LSM11: variants seen among roughly 807,000 people sequenced by gnomAD.
The protein encoded by LSM11 is LSM11, U7 small nuclear RNA associated.
A neutral mutation model predicts 28.1 loss-of-function variants in LSM11; 14 were observed. That is an observed-to-expected ratio of 0.50 (90% CI 0.33 to 0.78). The LOEUF (loss-of-function observed/expected upper bound fraction) is 0.78. Among genes scored for constraint, LSM11 ranks in the 30% least tolerant of loss-of-function variants. The pLI is 0.02. For missense variants in LSM11, 495 were observed against 510.6 expected (o/e 0.97, Z 0.30); for synonymous variants, 207 against 214.2 (o/e 0.97, Z 0.30).
chr5:157,745,962 T>C, intron 1 of LSM11, among the ~76,000 whole-genome samples: 1 of 152,158 alleles, frequency 6.6e-6, no homozygotes, highest in African/African-American at 2.4e-5. Context: ...AACTACCTAT[T>C]GGGTACTGTG....
chr5:157,754,211 C>T (rs1016730813), intron 3 of LSM11, 124 bp downstream of exon 3: 1 of 555,962 alleles, frequency 1.8e-6, no homozygotes, highest in Non-Finnish European at 3.0e-6. Context: ...ACCAGCTGTG[C>T]CTGTACCAAG....
intron 3 of LSM11, among the ~76,000 whole-genome samples, 169 bp downstream of exon 3, chr5:157,754,256 A>G (rs375581626): frequency 6.6e-6 from 1 of 152,196 alleles, no homozygotes; most frequent in East Asian, 1.9e-4. Flanking sequence ...GCTTCCAGTG[A>G]ATCTCAAGTG....
At chr5:157,753,972 C>G (rs771611654) in intron 2 of LSM11, 32 bp from the exon 3 acceptor site, 24 of 1,385,890 alleles carry the variant, frequency 1.7e-5, no homozygotes, top group Non-Finnish European at 2.3e-5. Context: ...TTAATTCTGT[C>G]TAATGTTTTT....
In LSM11 at chr5:157,760,539, A is replaced by G. The variant is rs547624998; in HGVS notation, c.*5275A>G. 1.3e-5 allele frequency: 2 copies of G among 152,346 alleles called. No homozygotes were observed. Among genetic ancestry groups the G allele is most frequent in the East Asian group, 3.9e-4 (2 of 5,186 alleles). 9.4% of individuals were successfully genotyped at this position (152,346 alleles called of 1,614,324 possible). On this transcript the variant is annotated 3_prime_UTR_variant, in exon 4 of 4. Transcript: ENST00000286307. ...TTTCACTGCTCATATACCAGCTGCT[A>G]CAAGAAAAACCATGACTTGTAAGTT...
At position 157,755,123 on chromosome 5, in the gene LSM11, C is replaced by T. The variant is rs1761304400; in HGVS notation, c.942C>T (p.Ser314=). ...GCTCCAGTGTGGGAGGTACCTTTTCCAGGGCTACCACCCTTTCCAGAGGCC... is the reference window on the plus strand; with the variant it reads ...GCTCCAGTGTGGGAGGTACCTTTTCTAGGGCTACCACCCTTTCCAGAGGCC... ...TDGSSVGGTF[S]RATTLSRGQS... The change falls in exon 4 of 4, where the codon TCC becomes TCT. Residue 314 remains serine (S), a synonymous_variant. Transcript: ENST00000286307. 6.2e-7 allele frequency: 1 copy of T among 1,614,218 alleles called. No individual in the cohort carries two copies. The highest frequency in any genetic ancestry group is 8.5e-7 in the Non-Finnish European group (1 of 1,180,034).
At position 157,757,501 on chromosome 5, in the gene LSM11, G is replaced by GT. The variant is rs1481610952; in HGVS notation, c.*2242dup. 3 of 152,098 alleles carry GT rather than the reference G, an allele frequency of 2.0e-5. No individual in the cohort carries two copies. The highest frequency in any genetic ancestry group is 7.2e-5 in the African/African-American group (3 of 41,430). 9.4% of individuals were successfully genotyped at this position (152,098 alleles called of 1,614,324 possible). A position where few individuals can be genotyped will look rare whatever the true frequency, so the allele number is the denominator to read the frequency against. On this transcript the variant is annotated 3_prime_UTR_variant, in exon 4 of 4. Transcript: ENST00000286307. Reference sequence around the variant, plus strand: ...ATCTGTGGAAGTTTGTTGTTTGTTTGTTTTTATTTTTAAATGCATTGTAAA... The same window carrying GT: ...ATCTGTGGAAGTTTGTTGTTTGTTTGTTTTTTATTTTTAAATGCATTGTAAA...
At chr5:157,745,678 G>A (rs1581449099) in intron 1 of LSM11, among the ~76,000 whole-genome samples, 1 of 152,150 alleles carries the variant, frequency 6.6e-6, no homozygotes, top group East Asian at 1.9e-4. Context: ...TACTGTAATG[G>A]TATGACAGTG....
At chr5:157,751,325 G>A (rs1185641460) in intron 1 of LSM11, 65 bp from the exon 2 acceptor site, 13 of 1,490,604 alleles carry the variant, frequency 8.7e-6, no homozygotes, top group East Asian at 2.4e-5. Context: ...TTGGGTGGTC[G>A]TGGCTTAATT....
At position 157,743,903 on chromosome 5, in the gene LSM11, C is replaced by A. The variant is rs772475047; in HGVS notation, c.153C>A (p.Pro51=). The A allele has an allele frequency of 5.9e-6, 9 of 1,525,424 alleles. No individual in the cohort carries two copies. In the East Asian group the frequency reaches 2.1e-4, roughly 36 times the overall value. 94.5% of individuals were successfully genotyped at this position (1,525,424 alleles called of 1,614,324 possible). ...CTCCCATTCCCTACCCCAATGCCCC[C>A]TGCTTCAACAACGTGGCGGAGTACG... ...RLPPIPYPNA[P]CFNNVAEYES... The change falls in exon 1 of 4, where the codon CCC becomes CCA. Residue 51 remains proline, a synonymous_variant. Transcript: ENST00000286307.
chr5:157,744,075 C>A lies in LSM11; in HGVS notation c.325C>A (p.Arg109Ser). Residue 109 changes from arginine to serine, a missense_variant, in exon 1 of 4, where the codon CGC (arginine) becomes AGC (serine). Coordinates refer to ENST00000286307, the MANE Select transcript of LSM11 (RefSeq NM_173491.4). ...RPDAPAPDPE[R>S]IQRLRRLMVA... ...GGACGCGCCCGCCCCGGACCCCGAG[C>A]GCATCCAGCGCCTCCGCCGTCTCAT... is the stretch of plus-strand genomic sequence containing the variant. 1 of 1,476,632 alleles carries A rather than the reference C, an allele frequency of 6.8e-7. No homozygotes were observed. Among genetic ancestry groups the A allele is most frequent in the Non-Finnish European group, 8.9e-7 (1 of 1,118,380 alleles). 91.5% of individuals were successfully genotyped at this position (1,476,632 alleles called of 1,614,324 possible).
intron 2 of LSM11, among the ~76,000 whole-genome samples, chr5:157,752,625 C>T (rs1218158903): frequency 1.3e-5 from 2 of 151,420 alleles, no homozygotes; most frequent in Admixed American, 6.6e-5. Flanking sequence ...GCAGGCGGAT[C>T]GCCTGAGGCC....
Position 157,754,971 on chromosome 5 carries a change from G to T in LSM11, c.790G>T (p.Val264Leu), listed in dbSNP as rs1202367860. The T allele has an allele frequency of 6.2e-7, 1 of 1,614,244 alleles. No homozygotes were observed. The highest frequency in any genetic ancestry group is 2.2e-5 in the East Asian group (1 of 44,880). ...GACATCCACTTGGAAGTTGGCTTCA[G>T]TGTGGGGAAGAGCAGACACTGGCCG... ...SQTSTWKLAS[V>L]WGRADTGRGS... The change falls in exon 4 of 4, where the codon GTG becomes TTG. Residue 264 changes from valine to leucine, a missense_variant. Val to Leu is a conservative substitution (Grantham distance 32, BLOSUM62 1). Transcript: ENST00000286307.
At position 157,755,033 on chromosome 5, in the gene LSM11, C is replaced by T. The variant is rs1323016210; in HGVS notation, c.852C>T (p.Ser284=). ...AGCGTTCCCGCTCTGTCCCTTCTTC[C>T]CTGCAGGCCTCTGCAAGGGAGGAGT... The part of the protein sequence containing the change: ...SHKRSRSVPS[S]LQASAREESR... Residue 284 remains serine, a synonymous_variant, in exon 4 of 4, where the codon TCC becomes TCT. Transcript: ENST00000286307. 1 of 1,614,210 alleles carries T rather than the reference C, an allele frequency of 6.2e-7. No homozygotes were observed. The highest frequency in any genetic ancestry group is 1.1e-5 in the South Asian group (1 of 91,086).
chr5:157,754,177 A>G, intron 3 of LSM11, 90 bp downstream of exon 3: 1 of 839,520 alleles, frequency 1.2e-6, no homozygotes, highest in Non-Finnish European at 1.8e-6. Context: ...AGGATTTCCT[A>G]GAGGGAAATC....
At chr5:157,752,432 A>G (rs1331899932) in intron 2 of LSM11, among the ~76,000 whole-genome samples, 1 of 151,694 alleles carries the variant, frequency 6.6e-6, no homozygotes. Context: ...GCCCGGCCAC[A>G]TGGTGGTTTT....
rs1216838431 is a variant in LSM11 at position 157,757,268 on chromosome 5, A to G, written c.*2004A>G. 2 of 152,098 alleles carry G rather than the reference A, an allele frequency of 1.3e-5. No homozygotes were observed. The highest frequency in any genetic ancestry group is 2.4e-5 in the African/African-American group (1 of 41,398). 9.4% of individuals were successfully genotyped at this position (152,098 alleles called of 1,614,324 possible). A position where few individuals can be genotyped will look rare whatever the true frequency, so the allele number is the denominator to read the frequency against. On this transcript the variant is annotated 3_prime_UTR_variant, in exon 4 of 4. Transcript: ENST00000286307. Reference sequence around the variant, plus strand: ...GTATCTTCTGGAACTTCCATATTCCATTCCTTCCTCCTAAGGGACAATGGA... The same window carrying G: ...GTATCTTCTGGAACTTCCATATTCCGTTCCTTCCTCCTAAGGGACAATGGA...
rs148804914 is a variant in LSM11 at position 157,759,895 on chromosome 5, A to G, written c.*4631A>G. 6.6e-6 allele frequency: 1 copy of G among 152,142 alleles called. No individual in the cohort carries two copies. The highest frequency in any genetic ancestry group is 2.4e-5 in the African/African-American group (1 of 41,428). 9.4% of individuals were successfully genotyped at this position (152,142 alleles called of 1,614,324 possible). ...GAAGGGTTGGGCCTCCTTTACTCTC[A>G]GTATTTTGAGTGTTTTTCAAATGTT... On this transcript the variant is annotated 3_prime_UTR_variant, in exon 4 of 4. Transcript: ENST00000286307.
chr5:157,754,863 C>T lies in LSM11; in HGVS notation c.682C>T (p.Arg228Trp), dbSNP rs770812064. 1.8e-5 allele frequency: 29 copies of T among 1,612,424 alleles called. No individual in the cohort carries two copies. Among genetic ancestry groups the T allele is most frequent in the African/African-American group, 4.0e-5 (3 of 74,986 alleles). Residue 228 changes from arginine (R) to tryptophan (W), a missense_variant, in exon 4 of 4, where the codon CGG becomes TGG. Transcript: ENST00000286307. ...SSLTLTRLFD[R>W]LKLQDSSKKE... ...ATTGTTTGCTTTATAGCTATTTGAT[C>T]GGCTGAAACTTCAAGATTCCTCCAA...
At chr5:157,750,844 C>T (rs555216036) in intron 1 of LSM11, among the ~76,000 whole-genome samples, 2 of 152,152 alleles carry the variant, frequency 1.3e-5, no homozygotes, top group South Asian at 2.1e-4. Flanking sequence ...TGCAATGGTG[C>T]GATCTCGGCT....
Sources: allele counts gnomAD v4.1 joint callset (sites outside exome capture counted in the v4.1 genomes callset), GRCh38; gene constraint gnomAD v4.1.1; transcripts MANE v1.5; gene names NCBI Gene and HGNC (gene_info 2026-07-23, HGNC 2026-07-21).